SPP2: variants seen among roughly 807,000 people sequenced by gnomAD.
SPP2 encodes the protein secreted phosphoprotein 2.
In SPP2, 34 loss-of-function variants were observed where a neutral mutation model predicts 28.8. The ratio of observed to expected loss-of-function variants is 1.18; its 90% CI spans 0.90 to 1.57. The LOEUF (loss-of-function observed/expected upper bound fraction) is 1.57. Ranked by LOEUF, SPP2 falls within the 40% of genes most tolerant of loss-of-function variation. SPP2 has a pLI of 0.00. For synonymous variants in SPP2, 96 were observed against 89.4 expected (o/e 1.07, Z -0.42); for missense variants, 269 against 263.9 (o/e 1.02, Z -0.13).
chr2:234,076,704 T>C (rs917354097), intron 7 of SPP2, 141 bp from the exon 8 acceptor site: 6 of 152,296 alleles, frequency 3.9e-5, no homozygotes, highest in African/African-American at 1.2e-4. Context: ...AACACCTTCA[T>C]AGACCTGCCT....
At chr2:234,066,385 G>A (rs1693818326) in intron 4 of SPP2, 148 bp from the exon 5 acceptor site, 2 of 669,098 alleles carry the variant, frequency 3.0e-6, no homozygotes, top group Non-Finnish European at 5.1e-6. Context: ...TATATATAAA[G>A]TTATTTAATA....
At chr2:234,066,437 A>G in intron 4 of SPP2, 96 bp from the exon 5 acceptor site, 1 of 944,896 alleles carries the variant, frequency 1.1e-6, no homozygotes, top group Non-Finnish European at 1.7e-6. Context: ...TATATAACAT[A>G]TATCAGAGTC....
At chr2:234,070,659 A>G (rs1690747436) in intron 7 of SPP2, among the ~76,000 whole-genome samples, 1 of 152,014 alleles carries the variant, frequency 6.6e-6, no homozygotes, top group African/African-American at 2.4e-5. Flanking sequence ...ATAGCGTTTT[A>G]CCATGTTAGC....
chr2:234,051,008 G>A lies in SPP2; in HGVS notation c.123G>A (p.Arg41=), dbSNP rs138848923. ...ACGACTACGATCCATCCTCCTTAAG[G>A]GATGCCCTCAGTGCCTCTGTGGTAA... ...PVYDYDPSSL[R]DALSASVVKV... The change falls in exon 2 of 8, where the codon AGG becomes AGA. Residue 41 remains arginine (R), a synonymous_variant. Coordinates refer to ENST00000168148, the MANE Select transcript of SPP2 (RefSeq NM_006944.3). 36 of 1,613,848 alleles carry A rather than the reference G, an allele frequency of 2.2e-5. No homozygotes were observed. The highest frequency in any genetic ancestry group is 2.7e-5 in the Non-Finnish European group (32 of 1,179,938).
chr2:234,051,170 T>C (rs1488051042), intron 2 of SPP2, 75 bp downstream of exon 2: 3 of 1,545,906 alleles, frequency 1.9e-6, no homozygotes, highest in Non-Finnish European at 2.6e-6. Context: ...TGGATATACT[T>C]TTAAGAAATT....
chr2:234,068,181 G>T (rs936820448), intron 6 of SPP2, among the ~76,000 whole-genome samples: 1 of 152,202 alleles, frequency 6.6e-6, no homozygotes, highest in Non-Finnish European at 1.5e-5. Context: ...AAAGCAGTAA[G>T]AACTCATGGC....
At chr2:234,070,140 G>C in intron 7 of SPP2, 117 bp downstream of exon 7, 1 of 753,532 alleles carries the variant, frequency 1.3e-6, no homozygotes, top group Non-Finnish European at 2.2e-6. Context: ...CTTGCTTTTC[G>C]GCTTCTCTGA....
chr2:234,056,182 A>G (rs1380636483), intron 2 of SPP2: 2 of 152,202 alleles, frequency 1.3e-5, no homozygotes, highest in Admixed American at 6.5e-5. Flanking sequence ...ACAAAGGGCT[A>G]ATATCCAGAA....
chr2:234,069,860 A>G (rs544231194), intron 6 of SPP2, 68 bp from the exon 7 acceptor site: 4 of 1,251,704 alleles, frequency 3.2e-6, no homozygotes, highest in East Asian at 4.7e-5. Flanking sequence ...ATTTGTAGTA[A>G]CATTGTCCAC....
intron 2 of SPP2, among the ~76,000 whole-genome samples, chr2:234,053,713 C>A (rs2267902): frequency 0.34 from 51,817 of 151,886 alleles, 9,138 homozygotes; most frequent in South Asian, 0.5. Flanking sequence ...GAAAAATCCA[C>A]ACGACTTTAG....
intron 6 of SPP2, 121 bp from the exon 7 acceptor site, chr2:234,069,807 G>T (rs186769306): frequency 1.6e-4 from 116 of 727,072 alleles, no homozygotes; most frequent in Non-Finnish European, 2.7e-4. Flanking sequence ...GTATTCTCAT[G>T]GCAGATGGGT....
Position 234,050,704 on chromosome 2 carries a change from T to C in SPP2, c.-83T>C. The C allele has an allele frequency of 1.7e-6, 2 of 1,149,492 alleles. No homozygotes were observed. The highest frequency in any genetic ancestry group is 2.6e-6 in the Non-Finnish European group (2 of 769,396). 71.2% of individuals were successfully genotyped at this position (1,149,492 alleles called of 1,614,324 possible). A position where few individuals can be genotyped will look rare whatever the true frequency, so the allele number is the denominator to read the frequency against. On this transcript the variant is annotated 5_prime_UTR_variant, in exon 1 of 8. Transcript: ENST00000168148. ...TGCTGCAGTCAAAATAAGCAGCCAGTGTTTGATAAAGACAGCTCCTCTTAG... is the reference window on the plus strand; with the variant it reads ...TGCTGCAGTCAAAATAAGCAGCCAGCGTTTGATAAAGACAGCTCCTCTTAG...
chr2:234,053,698 G>A (rs183712378), intron 2 of SPP2, among the ~76,000 whole-genome samples: 2 of 152,160 alleles, frequency 1.3e-5, no homozygotes, highest in Non-Finnish European at 2.9e-5. Flanking sequence ...GAAAGGAGGA[G>A]AAAGGAAAAA....
intron 4 of SPP2, among the ~76,000 whole-genome samples, chr2:234,061,213 TAA>T (rs1464026091): frequency 6.6e-6 from 1 of 152,210 alleles, no homozygotes; most frequent in African/African-American, 2.4e-5. Context: ...TTATATTATA[TAA>T]GTGTCCAATT....
At chr2:234,070,963 A>C (rs887668548) in intron 7 of SPP2, among the ~76,000 whole-genome samples, 2 of 152,190 alleles carry the variant, frequency 1.3e-5, no homozygotes, top group Admixed American at 1.3e-4. Flanking sequence ...TGGTGTTGCC[A>C]TTGTGTATCC....
chr2:234,076,593 C>T (rs747961432), intron 7 of SPP2, among the ~76,000 whole-genome samples: 3 of 152,044 alleles, frequency 2.0e-5, no homozygotes, highest in Non-Finnish European at 4.4e-5. Flanking sequence ...GGCTGGATGG[C>T]GTATCCTGAT....
chr2:234,063,193 C>T lies in SPP2; in HGVS notation c.444+2714C>T, dbSNP rs184067029. Among the ~76,000 whole-genome samples the T allele has an allele frequency of 5.9e-5, 9 of 151,502 alleles. No homozygotes were observed. The East Asian group carries it at 1.5e-3, about 26-fold the overall frequency. On this transcript the variant is annotated intron_variant, in intron 4 of 7. Transcript: ENST00000168148. The stretch of plus-strand genomic sequence containing the variant: ...ATGGCAATATTATAAATATGAAAGA[C>T]ATTAGATTAGGATACATTTAGTCAT...
chr2:234,050,968 C>A lies in SPP2; in HGVS notation c.86-3C>A. 6.2e-7 allele frequency: 1 copy of A among 1,613,960 alleles called. No homozygotes were observed. The highest frequency in any genetic ancestry group is 8.5e-7 in the Non-Finnish European group (1 of 1,179,906). Reference sequence around the variant, plus strand: ...ACTGTGCCCCATGTGCTTGCGTGTCCAGGTTTCCCAGTGTACGACTACGAT... The same window carrying A: ...ACTGTGCCCCATGTGCTTGCGTGTCAAGGTTTCCCAGTGTACGACTACGAT... On this transcript the variant is annotated splice_region_variant and splice_polypyrimidine_tract_variant and intron_variant, in intron 1 of 7. Coordinates refer to ENST00000168148, the MANE Select transcript of SPP2 (RefSeq NM_006944.3).
intron 5 of SPP2, 141 bp from the exon 6 acceptor site, chr2:234,067,083 G>A (rs1693836223): frequency 1.2e-6 from 1 of 807,910 alleles, no homozygotes; most frequent in Non-Finnish European, 2.1e-6. Flanking sequence ...TTTCCTATTA[G>A]TGCTGACGGC....
Sources: allele counts gnomAD v4.1 joint callset (sites outside exome capture counted in the v4.1 genomes callset), GRCh38; gene constraint gnomAD v4.1.1; transcripts MANE v1.5; gene names NCBI Gene and HGNC (gene_info 2026-07-23, HGNC 2026-07-21).